The following SRL variants were observed in gnomAD, a reference collection of about 807,000 sequenced individuals.
The protein encoded by SRL is sarcalumenin.
Under a neutral mutation model 39.5 loss-of-function variants are expected in SRL, and 23 were observed. That is an observed-to-expected ratio of 0.58 (90% CI 0.42 to 0.82). SRL has a LOEUF of 0.82. Among genes scored for constraint, SRL ranks in the 40% least tolerant of loss-of-function variants. The pLI is 0.00. For synonymous variants in SRL, 272 were observed against 237.4 expected, an observed-to-expected ratio of 1.15 and a Z score of -1.34; for missense variants, 592 against 607.8, an observed-to-expected ratio of 0.97 and a Z score of 0.27.
chr16:4,199,393 A>G (rs2052192377), intron 3 of SRL, among the ~76,000 whole-genome samples: 1 of 92,578 alleles, frequency 1.1e-5, no homozygotes, highest in African/African-American at 4.6e-5. Context: ...TTTTTTTGAG[A>G]CAGTGTCTCA....
chr16:4,217,970 G>A (rs575295741), intron 1 of SRL, among the ~76,000 whole-genome samples: 3 of 152,286 alleles, frequency 2.0e-5, no homozygotes, highest in Admixed American at 6.5e-5. Flanking sequence ...CAGCTCAGGC[G>A]AGGAGCTGCA....
chr16:4,217,533 T>A (rs1010705678), intron 1 of SRL, among the ~76,000 whole-genome samples: 3 of 152,204 alleles, frequency 2.0e-5, no homozygotes, highest in Non-Finnish European at 2.9e-5. Flanking sequence ...ATTACAGGCG[T>A]GAGCCACTGG....
At chr16:4,229,344 T>C (rs1253341946) in intron 1 of SRL, among the ~76,000 whole-genome samples, 1 of 151,890 alleles carries the variant, frequency 6.6e-6, no homozygotes, top group African/African-American at 2.4e-5. Context: ...CTTGGGAGGC[T>C]GAGGCAGGAG....
intron 4 of SRL, among the ~76,000 whole-genome samples, chr16:4,196,063 C>A (rs770014826): frequency 6.6e-6 from 1 of 152,034 alleles, no homozygotes; most frequent in Non-Finnish European, 1.5e-5. Context: ...CAGGTTCAAG[C>A]GATTCTCCCA....
At chr16:4,201,887 C>T (rs547268158) in intron 3 of SRL, among the ~76,000 whole-genome samples, 1 of 151,768 alleles carries the variant, frequency 6.6e-6, no homozygotes, top group East Asian at 1.9e-4. Context: ...AACTCCTGAC[C>T]TCATGATCTG....
Position 4,203,277 on chromosome 16 carries a change from G to C in SRL, c.164-16C>G. The C allele has an allele frequency of 6.2e-7, 1 of 1,610,106 alleles. No individual in the cohort carries two copies. The highest frequency in any genetic ancestry group is 8.5e-7 in the Non-Finnish European group (1 of 1,176,518). On this transcript the variant is annotated splice_polypyrimidine_tract_variant and intron_variant, in intron 2 of 5. Coordinates refer to ENST00000399609, the MANE Select transcript of SRL (RefSeq NM_001098814.2). ...TGCAGCACCGCTGGAGACAGAGAGG[G>C]CCGGGGGAAGAGCATCACGCAGGTG...
rs1008802089 is a variant in SRL at position 4,190,696 on chromosome 16, G to A, written c.*1457C>T. ...GTATTGAAGGCCCTGGCTTTCCTGC[G>A]GTGTGTTCAGTGGACATCTGCATCA... On this transcript the variant is annotated 3_prime_UTR_variant, in exon 6 of 6. Transcript: ENST00000399609. 2 of 382,516 alleles carry A rather than the reference G, an allele frequency of 5.2e-6. No homozygotes were observed. Among genetic ancestry groups the A allele is most frequent in the African/African-American group, 2.1e-5 (1 of 48,312 alleles). 23.7% of individuals were successfully genotyped at this position (382,516 alleles called of 1,614,324 possible).
At chr16:4,217,354 T>G (rs938545012) in intron 1 of SRL, among the ~76,000 whole-genome samples, 2 of 152,150 alleles carry the variant, frequency 1.3e-5, no homozygotes, top group Non-Finnish European at 2.9e-5. Flanking sequence ...GCAGCCTTCC[T>G]ACTTGTCACA....
At chr16:4,197,290 G>A (rs1367208705) in intron 4 of SRL, among the ~76,000 whole-genome samples, 4 of 150,292 alleles carry the variant, frequency 2.7e-5, no homozygotes, top group South Asian at 4.2e-4. Flanking sequence ...GGCTGGTCTC[G>A]AACTCCTGAC....
intron 3 of SRL, among the ~76,000 whole-genome samples, chr16:4,202,383 G>A (rs1025291392): frequency 2.0e-5 from 3 of 152,080 alleles, no homozygotes; most frequent in African/African-American, 2.4e-5. Flanking sequence ...CACGAGGTCC[G>A]CAGACAGAGA....
chr16:4,202,360 G>A (rs546260116), intron 3 of SRL, among the ~76,000 whole-genome samples: 2 of 152,160 alleles, frequency 1.3e-5, no homozygotes, highest in African/African-American at 2.4e-5. Flanking sequence ...TTGGGAGGCC[G>A]AAGCGGGCAG....
chr16:4,205,213 C>G (rs915154348), intron 1 of SRL, among the ~76,000 whole-genome samples: 1 of 152,114 alleles, frequency 6.6e-6, no homozygotes, highest in Non-Finnish European at 1.5e-5. Flanking sequence ...GCTCAGGAAG[C>G]TGAGACAGGA....
rs2052077877 is a variant in SRL, at chr16:4,192,345, A to T, written c.1230T>A (p.Ile410=). ...AYKDFFGINP[I]SSFKLLSQQC... Reference sequence around the variant, plus strand: ...GCTGGGAGAGCAGTTTGAAACTGGAAATGGGATTGATGCCGAAGAAGTCCT... The same window carrying T: ...GCTGGGAGAGCAGTTTGAAACTGGATATGGGATTGATGCCGAAGAAGTCCT... Residue 410 remains isoleucine, a synonymous_variant, in exon 6 of 6, where the codon ATT becomes ATA. Coordinates refer to ENST00000399609, the MANE Select transcript of SRL (RefSeq NM_001098814.2). The surrounding 1 kb of genome is among the most constrained non-coding windows in gnomAD (Gnocchi z 4.0). 1.2e-6 allele frequency: 2 copies of T among 1,614,048 alleles called. No individual in the cohort carries two copies. The highest frequency in any genetic ancestry group is 8.5e-7 in the Non-Finnish European group (1 of 1,180,032).
chr16:4,220,100 C>T (rs2052505119), intron 1 of SRL, among the ~76,000 whole-genome samples: 2 of 152,072 alleles, frequency 1.3e-5, no homozygotes, highest in Admixed American at 6.6e-5. Context: ...ATTTTCACTC[C>T]AGAGTACAGG....
intron 1 of SRL, among the ~76,000 whole-genome samples, chr16:4,238,459 T>C (rs114878866): frequency 0.031 from 4,724 of 152,180 alleles, 245 homozygotes; most frequent in African/African-American, 0.11. Flanking sequence ...GACCTCCCTC[T>C]GGGGGATAAG....
intron 1 of SRL, among the ~76,000 whole-genome samples, chr16:4,241,485 G>A (rs374614946): frequency 9.9e-5 from 15 of 152,094 alleles, no homozygotes; most frequent in African/African-American, 2.7e-4. Flanking sequence ...CTCTATTTCC[G>A]ATCTTATCCC....
At chr16:4,205,429 A>G (rs1013725593) in intron 1 of SRL, among the ~76,000 whole-genome samples, 2 of 152,112 alleles carry the variant, frequency 1.3e-5, no homozygotes, top group African/African-American at 4.8e-5. Context: ...AACAATAAAA[A>G]TAATTAATAA....
chr16:4,237,775 T>C, intron 1 of SRL, among the ~76,000 whole-genome samples: 1 of 152,200 alleles, frequency 6.6e-6, no homozygotes, highest in East Asian at 1.9e-4. Context: ...TCCTGCCATC[T>C]TTCTGTTCTG....
At position 4,189,629 on chromosome 16, in the gene SRL, G is replaced by T. The variant is rs1024887079; in HGVS notation, c.*2524C>A. ...CTGATGGGCAGGCCTGTGAGCAGCA[G>T]AGACAAGAGAAATCAGAGAAGGAAC... On this transcript the variant is annotated 3_prime_UTR_variant, in exon 6 of 6. Transcript: ENST00000399609. The T allele has an allele frequency of 1.3e-5, 2 of 152,282 alleles. No homozygotes were observed. The highest frequency in any genetic ancestry group is 4.8e-5 in the African/African-American group (2 of 41,428). The allele number at this position is 152,282 out of a possible 1,614,324, so 9.4% of individuals were successfully genotyped here.
Sources: gnomAD v4.1 joint callset for allele counts (sites outside exome capture counted in the v4.1 genomes callset) on GRCh38, gnomAD v4.1.1 for gene constraint, Gnocchi (gnomAD v3.1) non-coding constraint, MANE v1.5 for transcripts, NCBI Gene and HGNC (gene_info 2026-07-23, HGNC 2026-07-21) for gene names.